CTDP1: variants seen among roughly 807,000 people sequenced by gnomAD.
CTDP1 encodes the protein CTD phosphatase 1.
CTDP1 carries 47 observed loss-of-function variants against 91.8 expected under a neutral mutation model. The ratio of observed to expected loss-of-function variants is 0.51; its 90% CI spans 0.41 to 0.65. CTDP1 has a LOEUF of 0.65. Ranked by LOEUF, CTDP1 falls within the 30% of genes least tolerant of loss-of-function variation. The pLI is 0.00. For synonymous variants in CTDP1, 656 were observed against 598.5 expected (o/e 1.10, Z -1.40); for missense variants, 1,272 against 1,373.7 (o/e 0.93, Z 1.17).
At chr18:79,685,972 T>C (rs2085485057) in intron 1 of CTDP1, among the ~76,000 whole-genome samples, 1 of 152,216 alleles carries the variant, frequency 6.6e-6, no homozygotes, top group African/African-American at 2.4e-5. Flanking sequence ...GCCTAAAATT[T>C]GGGGGGCTGT....
Position 79,704,929 on chromosome 18 carries a change from C to G in CTDP1, c.772+12C>G. 6.2e-7 allele frequency: 1 copy of G among 1,612,926 alleles called. No individual in the cohort carries two copies. Among genetic ancestry groups the G allele is most frequent in the African/African-American group, 1.3e-5 (1 of 75,052 alleles). On this transcript the variant is annotated intron_variant, in intron 5 of 12. Transcript: ENST00000613122. Reference sequence around the variant, plus strand: ...ACACACCATCGCAGGTCAGTCAAGCCGCAGCCGAAGAGGCCGTGTGAACAG... The same window carrying G: ...ACACACCATCGCAGGTCAGTCAAGCGGCAGCCGAAGAGGCCGTGTGAACAG...
chr18:79,733,205 C>CA (rs1377552046), intron 11 of CTDP1, among the ~76,000 whole-genome samples: 1 of 151,942 alleles, frequency 6.6e-6, no homozygotes, highest in African/African-American at 2.4e-5. Context: ...TGTGGATCCT[C>CA]ACGCTGCGGC....
At chr18:79,731,149 G>A (rs979147894) in intron 11 of CTDP1, among the ~76,000 whole-genome samples, 6 of 152,202 alleles carry the variant, frequency 3.9e-5, no homozygotes, top group Non-Finnish European at 7.3e-5. Context: ...TCATCCTGGG[G>A]ACACATGGGG....
In CTDP1 at chr18:79,753,769, G is replaced by A. The variant is rs748580438; in HGVS notation, c.2865G>A (p.Ala955=). The change falls in exon 13 of 13, where the codon GCG becomes GCA. Residue 955 remains alanine, a synonymous_variant. Coordinates refer to ENST00000613122, the MANE Select transcript of CTDP1 (RefSeq NM_004715.5). The part of the protein sequence containing the change: ...EADEMAKALE[A]ELNDLM ...ACGAGATGGCCAAGGCGCTGGAGGC[G>A]GAGCTCAACGACCTCATGTGAGCGC... The A allele has an allele frequency of 2.1e-5, 34 of 1,613,480 alleles. No homozygotes were observed. Among genetic ancestry groups the A allele is most frequent in the African/African-American group, 1.2e-4 (9 of 74,908 alleles).
chr18:79,714,812 A>G lies in CTDP1; in HGVS notation c.1352A>G (p.Asp451Gly), dbSNP rs1167568178. Reference sequence around the variant, plus strand: ...CAGGGTGCCACGGGCACTGACCTGGACTTTGACTTATCCAGCGACAGCGAG... The same window carrying G: ...CAGGGTGCCACGGGCACTGACCTGGGCTTTGACTTATCCAGCGACAGCGAG... ...PAQGATGTDL[D>G]FDLSSDSESS... The change falls in exon 8 of 13, where the codon GAC (aspartate) becomes GGC (glycine). Residue 451 changes from aspartate (D) to glycine (G), a missense_variant. Around this residue, in one of 3 missense-constraint regions of CTDP1, gnomAD observed 881 missense variants for 911.6 expected, o/e 0.97. Transcript: ENST00000613122. The G allele has an allele frequency of 1.9e-6, 3 of 1,603,110 alleles. No individual in the cohort carries two copies. Among genetic ancestry groups the G allele is most frequent in the Non-Finnish European group, 1.7e-6 (2 of 1,176,096 alleles).
In CTDP1 at chr18:79,694,398, C is replaced by T. The variant is rs62097721; in HGVS notation, c.315-827C>T. Reference sequence around the variant, plus strand: ...ACTGAGTGCCGGGCAGCCTCGTGTCCGCGGGGCGCGGTGGTCGGAGCAGCC... The same window carrying T: ...ACTGAGTGCCGGGCAGCCTCGTGTCTGCGGGGCGCGGTGGTCGGAGCAGCC... On this transcript the variant is annotated intron_variant, in intron 1 of 12. Coordinates refer to ENST00000613122, the MANE Select transcript of CTDP1 (RefSeq NM_004715.5). 2.5e-3 allele frequency among the ~76,000 whole-genome samples: 227 copies of T among 91,652 alleles called. 15 individuals carry two copies. Among genetic ancestry groups the T allele is most frequent in the African/African-American group, 7.3e-3 (204 of 27,932 alleles). 60.1% of individuals were successfully genotyped at this position (91,652 alleles called of 152,430 possible).
intron 10 of CTDP1, among the ~76,000 whole-genome samples, chr18:79,725,925 CT>C (rs1206087754): frequency 1.3e-5 from 2 of 152,182 alleles, no homozygotes; most frequent in Non-Finnish European, 2.9e-5. Context: ...TGTGTTTTCT[CT>C]TTCACTGCCT....
chr18:79,739,810 C>T (rs927859297), intron 12 of CTDP1, among the ~76,000 whole-genome samples: 2 of 148,448 alleles, frequency 1.3e-5, no homozygotes, highest in Non-Finnish European at 3.0e-5. Context: ...ACGGCCGGGA[C>T]GGGTGGGACT....
chr18:79,691,322 C>T (rs1488367037), intron 1 of CTDP1, among the ~76,000 whole-genome samples: 1 of 152,246 alleles, frequency 6.6e-6, no homozygotes, highest in Non-Finnish European at 1.5e-5. Flanking sequence ...GGCCAGCTTA[C>T]ACTCGCTCTT....
Position 79,718,025 on chromosome 18 carries a change from C to T in CTDP1, c.2417+9C>T, listed in dbSNP as rs758070921. The T allele has an allele frequency of 2.9e-5, 46 of 1,612,362 alleles. No homozygotes were observed. Among genetic ancestry groups the T allele is most frequent in the Non-Finnish European group, 3.3e-5 (39 of 1,179,756 alleles). ...GAGCCCTCTTCCTTCAGGTACGTGG[C>T]GGCCCAGCCACTGTCCCCAGCTAAT... On this transcript the variant is annotated intron_variant, in intron 10 of 12. Coordinates refer to ENST00000613122, the MANE Select transcript of CTDP1 (RefSeq NM_004715.5).
rs192203673 is a variant in CTDP1, at chr18:79,735,389, C to T, written c.2581-966C>T. Among the ~76,000 whole-genome samples the T allele has an allele frequency of 5.0e-3, 761 of 152,352 alleles. 6 individuals carry two copies. The highest frequency in any genetic ancestry group is 0.017 in the African/African-American group (723 of 41,574). The stretch of plus-strand genomic sequence containing the variant: ...ACGGGGCTGTGCCGTCGCACACAGA[C>T]GCCCTCAACGTCGGAGAGCTGTGAG... On this transcript the variant is annotated intron_variant, in intron 11 of 12. Coordinates refer to ENST00000613122, the MANE Select transcript of CTDP1 (RefSeq NM_004715.5).
intron 11 of CTDP1, among the ~76,000 whole-genome samples, chr18:79,730,615 G>T (rs766849900): frequency 6.6e-6 from 1 of 152,222 alleles, no homozygotes; most frequent in African/African-American, 2.4e-5. Flanking sequence ...AAAGCAGAAG[G>T]CTGCAGCCGT....
chr18:79,682,026 T>G (rs1445947441), intron 1 of CTDP1, among the ~76,000 whole-genome samples: 1 of 152,192 alleles, frequency 6.6e-6, no homozygotes, highest in Non-Finnish European at 1.5e-5. Context: ...AAGGAGCGAC[T>G]GGAAGGGCTT....
chr18:79,709,838 G>C (rs2086044377), intron 5 of CTDP1, among the ~76,000 whole-genome samples: 1 of 152,194 alleles, frequency 6.6e-6, no homozygotes, highest in Admixed American at 6.5e-5. Flanking sequence ...AAAGTAACTT[G>C]GGAGAAGCAA....
chr18:79,741,313 G>A (rs1390413345), intron 12 of CTDP1, among the ~76,000 whole-genome samples: 3 of 152,218 alleles, frequency 2.0e-5, no homozygotes, highest in African/African-American at 7.2e-5. Context: ...TGCTTTTGGT[G>A]GCCGGAGGTG....
intron 4 of CTDP1, among the ~76,000 whole-genome samples, chr18:79,699,734 A>G (rs889049530): frequency 2.6e-5 from 4 of 152,020 alleles, no homozygotes; most frequent in Non-Finnish European, 4.4e-5. Flanking sequence ...GGCACACCTC[A>G]TTTTATGGTG....
intron 11 of CTDP1, among the ~76,000 whole-genome samples, chr18:79,730,936 G>A (rs975204222): frequency 6.6e-6 from 1 of 152,232 alleles, no homozygotes; most frequent in Non-Finnish European, 1.5e-5. Flanking sequence ...GCAGCCTCAG[G>A]AAGCTCCTCG....
At chr18:79,729,183 C>T (rs1568207969) in intron 11 of CTDP1, 114 bp downstream of exon 11, 1 of 1,336,282 alleles carries the variant, frequency 7.5e-7, no homozygotes, top group Non-Finnish European at 1.1e-6. Context: ...TAGAGTCCTG[C>T]ACTTGTGTAG....
intron 1 of CTDP1, chr18:79,680,812 C>G (rs1469810446): frequency 1.3e-5 from 2 of 152,362 alleles, no homozygotes; most frequent in Non-Finnish European, 2.9e-5. Flanking sequence ...CAGGCTGCTT[C>G]AGGGTGACGT....
Sources: allele counts gnomAD v4.1 joint callset (sites outside exome capture counted in the v4.1 genomes callset), GRCh38; gene constraint gnomAD v4.1.1; regional missense constraint gnomAD v4.1.1; transcripts MANE v1.5; gene names NCBI Gene and HGNC (gene_info 2026-07-23, HGNC 2026-07-21).